SH3KBP1: variants seen among roughly 807,000 people sequenced by gnomAD.
The protein encoded by SH3KBP1 is SH3 domain-containing kinase-binding protein 1.
Under a neutral mutation model 50.1 loss-of-function variants are expected in SH3KBP1, and 8 were observed. That is an observed-to-expected ratio of 0.16 (90% CI 0.09 to 0.29). The LOEUF (loss-of-function observed/expected upper bound fraction) is 0.29. Ranked by LOEUF, SH3KBP1 falls within the 10% of genes least tolerant of loss-of-function variation. The pLI is 1.00. For missense variants in SH3KBP1, 377 were observed against 535.2 expected, an observed-to-expected ratio of 0.70 and a Z score of 2.92; for synonymous variants, 227 against 218.6, an observed-to-expected ratio of 1.04 and a Z score of -0.34.
At chrX:19,612,486 G>A (rs1350300000) in intron 8 of SH3KBP1, among the ~76,000 whole-genome samples, 1 of 111,497 alleles carries the variant, frequency 9.0e-6, no homozygotes, top group Non-Finnish European at 1.9e-5. Context: ...GGCTGGTCTT[G>A]AACTCCTGAA....
At chrX:19,661,538 T>C (rs1372764389) in intron 6 of SH3KBP1, among the ~76,000 whole-genome samples, 2 of 109,340 alleles carry the variant, frequency 1.8e-5, no homozygotes, top group Non-Finnish European at 3.8e-5. Context: ...TTATCAGTTC[T>C]TTTTAGCTTT....
intron 1 of SH3KBP1, among the ~76,000 whole-genome samples, chrX:19,845,125 C>T (rs919308967): frequency 9.2e-6 from 1 of 109,206 alleles, no homozygotes; most frequent in East Asian, 2.9e-4. Context: ...ATAACTTGAC[C>T]AGAAGAAGGC....
chrX:19,640,378 A>G (rs759183527), intron 7 of SH3KBP1, among the ~76,000 whole-genome samples: 1 of 111,613 alleles, frequency 9.0e-6, no homozygotes, highest in African/African-American at 3.3e-5. Context: ...CTCACAGTCA[A>G]GACCTGATGC....
At chrX:19,689,692 T>A (rs2063241338) in intron 5 of SH3KBP1, among the ~76,000 whole-genome samples, 1 of 112,233 alleles carries the variant, frequency 8.9e-6, no homozygotes, top group Admixed American at 9.4e-5. Context: ...AATAGTATAC[T>A]GTCACTGTTA....
intron 11 of SH3KBP1, among the ~76,000 whole-genome samples, chrX:19,590,610 G>A (rs2066713371): frequency 9.2e-6 from 1 of 108,750 alleles, no homozygotes; most frequent in African/African-American, 3.3e-5. Flanking sequence ...TCCTCCATGA[G>A]GACAGAGGGT....
chrX:19,694,167 T>A (rs1474317407), intron 5 of SH3KBP1, among the ~76,000 whole-genome samples: 1 of 112,372 alleles, frequency 8.9e-6, no homozygotes, highest in African/African-American at 3.2e-5. Flanking sequence ...AATAATGTTA[T>A]AATGACCCAA....
intron 1 of SH3KBP1, among the ~76,000 whole-genome samples, chrX:19,869,433 C>T (rs1402508519): frequency 9.0e-6 from 1 of 111,695 alleles, no homozygotes; most frequent in Non-Finnish European, 1.9e-5. Flanking sequence ...ATGTCCTTAA[C>T]GAAGAGAAGC....
Position 19,534,401 on chromosome X carries a change from A to C in SH3KBP1, c.*2016T>G, listed in dbSNP as rs1420019043. On this transcript the variant is annotated 3_prime_UTR_variant, in exon 18 of 18. Transcript: ENST00000397821. ...TGCCAGTGTTCCATGAGGGTGTTCC[A>C]ACCGCTCAATTTCATCAACAATCCT... 1 of 111,729 alleles carries C rather than the reference A, an allele frequency of 9.0e-6. No individual in the cohort carries two copies. The highest frequency in any genetic ancestry group is 1.9e-5 in the Non-Finnish European group (1 of 53,448). The allele number at this position is 111,729 out of a possible 1,213,427, so 9.2% of individuals were successfully genotyped here.
At position 19,656,211 on chromosome X, in the gene SH3KBP1, T is replaced by C. The variant is rs2062274626; in HGVS notation, c.727-10736A>G. On this transcript the variant is annotated intron_variant, in intron 6 of 17. Transcript: ENST00000397821. ...GGGCCAATGTTACAGTTTTTGCTTT[T>C]GCTTTGTCTTAAAAGCAACCAGTAG... Among the ~76,000 whole-genome samples, 3 of 111,539 alleles carry C rather than the reference T, an allele frequency of 2.7e-5. 1 individual carries two copies. The Admixed American group carries it at 2.9e-4, about 11-fold the overall frequency.
At chrX:19,829,720 CAA>C (rs758791831) in intron 2 of SH3KBP1, among the ~76,000 whole-genome samples, 3 of 58,409 alleles carry the variant, frequency 5.1e-5, no homozygotes, top group Non-Finnish European at 3.4e-5. Context: ...CACTCCGTCT[CAA>C]AAAAAAAAAA....
chrX:19,613,910 T>C (rs1053490396), intron 8 of SH3KBP1, among the ~76,000 whole-genome samples: 15 of 112,336 alleles, frequency 1.3e-4, no homozygotes, highest in Admixed American at 3.7e-4. Context: ...CATGTGAAAA[T>C]CTTTGCAAAG....
chrX:19,603,816 T>C (rs1308714633), intron 9 of SH3KBP1, among the ~76,000 whole-genome samples: 1 of 111,626 alleles, frequency 9.0e-6, no homozygotes, highest in African/African-American at 3.3e-5. Flanking sequence ...GCCTCCTGAA[T>C]AGCTGGGACT....
intron 9 of SH3KBP1, among the ~76,000 whole-genome samples, chrX:19,596,730 C>T (rs887327270): frequency 8.9e-6 from 1 of 112,156 alleles, no homozygotes; most frequent in African/African-American, 3.2e-5. Context: ...AGCATCTTCA[C>T]CAGGAGTAGA....
intron 12 of SH3KBP1, among the ~76,000 whole-genome samples, chrX:19,585,690 CCAGCAGCAGCAGCAGCAG>C (rs760758680): frequency 9.2e-6 from 1 of 108,707 alleles, no homozygotes. Flanking sequence ...ACCACCACTA[CCAGCAGCAGCAGCAGCAG>C]CAGCAGCAGC....
In SH3KBP1 at chrX:19,695,739, T is replaced by C. The variant is rs1315448656; in HGVS notation, c.393A>G (p.Val131=). ...VGDIIEVVGE[V]EEGWWEGVLN... ...GAACACCTTCCCACCATCCTTCCTC[T>C]ACCTGCAGAGATACAAACAAAAGAG... Residue 131 remains valine (V), a splice_region_variant and synonymous_variant, in exon 5 of 18, where the codon GTA becomes GTG. Coordinates refer to ENST00000397821, the MANE Select transcript of SH3KBP1 (RefSeq NM_031892.3). The C allele has an allele frequency of 1.7e-6, 2 of 1,209,621 alleles. No individual in the cohort carries two copies. Among genetic ancestry groups the C allele is most frequent in the Non-Finnish European group, 2.2e-6 (2 of 894,550 alleles).
At chrX:19,573,433 C>T (rs761480472) in intron 12 of SH3KBP1, among the ~76,000 whole-genome samples, 71 of 110,346 alleles carry the variant, frequency 6.4e-4, no homozygotes, top group Non-Finnish European at 1.1e-3. Context: ...ATTACAGGTG[C>T]GTGCCACCAC....
chrX:19,849,611 C>T (rs1004411848), intron 1 of SH3KBP1, among the ~76,000 whole-genome samples: 12 of 106,673 alleles, frequency 1.1e-4, no homozygotes, highest in Non-Finnish European at 5.8e-5. Context: ...GTCACTTGAA[C>T]CCAGAAAGTG....
chrX:19,585,644 A>C (rs1329353975), intron 12 of SH3KBP1, among the ~76,000 whole-genome samples: 1 of 111,650 alleles, frequency 9.0e-6, no homozygotes, highest in Non-Finnish European at 1.9e-5. Context: ...ACAACTTGGA[A>C]GAATCTAGAG....
intron 7 of SH3KBP1, among the ~76,000 whole-genome samples, chrX:19,639,907 CTTTT>C (rs377700054): frequency 9.6e-5 from 8 of 83,154 alleles, no homozygotes; most frequent in African/African-American, 2.7e-4. Context: ...AGAGTTGACT[CTTTT>C]TTTTTTTTTT....
Sources: gnomAD v4.1 joint callset for allele counts (sites outside exome capture counted in the v4.1 genomes callset) on GRCh38, gnomAD v4.1.1 for gene constraint, MANE v1.5 for transcripts, NCBI Gene and HGNC (gene_info 2026-07-23, HGNC 2026-07-21) for gene names.